Variants in FBXO28 observed in about 807,000 individuals in gnomAD.
The protein encoded by FBXO28 is F-box only protein 28.
In FBXO28, 8 loss-of-function variants were observed where a neutral mutation model predicts 38.1. That is an observed-to-expected ratio of 0.21 (90% CI 0.12 to 0.38). The LOEUF is 0.38. FBXO28 is among the 10% of genes least tolerant of loss of function. The pLI is 1.00. For synonymous variants in FBXO28, 168 were observed against 173.8 expected, an observed-to-expected ratio of 0.97 and a Z score of 0.26; for missense variants, 345 against 460.6, an observed-to-expected ratio of 0.75 and a Z score of 2.30.
At chr1:224,124,891 C>G (rs1656869047) in intron 1 of FBXO28, among the ~76,000 whole-genome samples, 1 of 151,962 alleles carries the variant, frequency 6.6e-6, no homozygotes, top group Non-Finnish European at 1.5e-5. Flanking sequence ...CCATGCCTGG[C>G]AAATTTTTGT....
intron 3 of FBXO28, among the ~76,000 whole-genome samples, chr1:224,142,244 CG>C (rs752741508): frequency 1.8e-4 from 27 of 151,550 alleles, no homozygotes; most frequent in Admixed American, 5.9e-4. Context: ...CCCAGCTACT[CG>C]GGAGGCTGAG....
At position 224,157,478 on chromosome 1, in the gene FBXO28, G is replaced by A. The variant is rs761294837; in HGVS notation, c.839G>A (p.Arg280His). The A allele has an allele frequency of 1.4e-5, 22 of 1,614,124 alleles. No homozygotes were observed. The highest frequency in any genetic ancestry group is 2.7e-5 in the African/African-American group (2 of 74,950). ...TNGAGVTVLR[R>H]EISELRTKVQ... ...GGTGCTGGCGTGACTGTTCTCAGGCGTGAAATTTCTGAGCTTCGCACCAAA... is the reference window on the plus strand; with the variant it reads ...GGTGCTGGCGTGACTGTTCTCAGGCATGAAATTTCTGAGCTTCGCACCAAA... The change falls in exon 5 of 5, where the codon CGT becomes CAT. Residue 280 changes from arginine to histidine, a missense_variant. Arg to His is a conservative substitution (Grantham distance 29). Coordinates refer to ENST00000366862, the MANE Select transcript of FBXO28 (RefSeq NM_015176.4).
chr1:224,146,301 A>G (rs1657502027), intron 3 of FBXO28, among the ~76,000 whole-genome samples: 1 of 152,004 alleles, frequency 6.6e-6, no homozygotes, highest in African/African-American at 2.4e-5. Flanking sequence ...AATATGGAGG[A>G]AATTTTTTTA....
At chr1:224,128,245 A>ATTAT (rs1553288948) in intron 1 of FBXO28, among the ~76,000 whole-genome samples, 1 of 147,904 alleles carries the variant, frequency 6.8e-6, no homozygotes, top group African/African-American at 2.5e-5. Context: ...TATTATTATT[A>ATTAT]TTTTTTTTTA....
chr1:224,148,127 G>C (rs1258014311), intron 3 of FBXO28, among the ~76,000 whole-genome samples: 1 of 151,948 alleles, frequency 6.6e-6, no homozygotes, highest in African/African-American at 2.4e-5. Context: ...GGAAGACTGG[G>C]GCAAATGGAA....
intron 2 of FBXO28, among the ~76,000 whole-genome samples, chr1:224,131,951 A>G (rs1657058044): frequency 6.6e-6 from 1 of 152,136 alleles, no homozygotes; most frequent in Non-Finnish European, 1.5e-5. Context: ...AATAAAACCT[A>G]TTTTAAAAGT....
intron 3 of FBXO28, among the ~76,000 whole-genome samples, chr1:224,136,606 T>C (rs527993726): frequency 2.0e-5 from 3 of 149,232 alleles, no homozygotes; most frequent in Non-Finnish European, 4.4e-5. Context: ...CGGGCGCCTA[T>C]AGTCCCAGCT....
At chr1:224,135,803 G>A (rs1023047030) in intron 3 of FBXO28, among the ~76,000 whole-genome samples, 11 of 151,956 alleles carry the variant, frequency 7.2e-5, no homozygotes, top group African/African-American at 1.9e-4. Flanking sequence ...TTGGGAGGCC[G>A]AGACGGGCAG....
At chr1:224,149,856 G>A (rs1460676592) in intron 3 of FBXO28, among the ~76,000 whole-genome samples, 1 of 152,194 alleles carries the variant, frequency 6.6e-6, no homozygotes, top group Admixed American at 6.6e-5. Flanking sequence ...GTGACCTCGT[G>A]TATAACTAAG....
At position 224,158,787 on chromosome 1, in the gene FBXO28, G is replaced by A. The variant is rs41303097; in HGVS notation, c.*1041G>A. On this transcript the variant is annotated 3_prime_UTR_variant, in exon 5 of 5. Transcript: ENST00000366862. ...AGTGAGTAGGGGACTCGACTTGCGG[G>A]ATGCAGTTTTGCCATTGCAGCAAAG... 0.022 allele frequency: 3,416 copies of A among 152,676 alleles called. 62 individuals carry two copies. Among genetic ancestry groups the A allele is most frequent in the Non-Finnish European group, 0.037 (2,544 of 68,034 alleles). 9.5% of individuals were successfully genotyped at this position (152,676 alleles called of 1,614,324 possible). A position where few individuals can be genotyped will look rare whatever the true frequency, so the allele number is the denominator to read the frequency against.
At position 224,150,467 on chromosome 1, in the gene FBXO28, T is replaced by G. The variant is rs115233849; in HGVS notation, c.517-2675T>G. Among the ~76,000 whole-genome samples, 127 of 151,838 alleles carry G rather than the reference T, an allele frequency of 8.4e-4. 1 individual carries two copies. Among genetic ancestry groups the G allele is most frequent in the African/African-American group, 2.9e-3 (119 of 41,078 alleles). On this transcript the variant is annotated intron_variant, in intron 3 of 4. Coordinates refer to ENST00000366862, the MANE Select transcript of FBXO28 (RefSeq NM_015176.4). ...ATGAAGGACCCTTTAAATACTGATT[T>G]TCTACTTTGGTTTATATTTTTAATT... is the stretch of plus-strand genomic sequence containing the variant.
chr1:224,120,709 A>G (rs1003331627), intron 1 of FBXO28, among the ~76,000 whole-genome samples: 9 of 152,172 alleles, frequency 5.9e-5, no homozygotes, highest in Admixed American at 4.6e-4. Flanking sequence ...CCGAAAATAC[A>G]AAAATTAGCT....
In FBXO28 at chr1:224,157,529, A is replaced by G; in HGVS notation, c.890A>G (p.Gln297Arg). The change falls in exon 5 of 5, where the codon CAA becomes CGA. Residue 297 changes from glutamine (Q) to arginine (R), a missense_variant. Coordinates refer to ENST00000366862, the MANE Select transcript of FBXO28 (RefSeq NM_015176.4). ...GTGCAAGAACAGCAAAAACAGCTTC[A>G]AGACCAGGACCAGAAACTGCTAGAG... Reference protein sequence around the residue: ...TKVQEQQKQLQDQDQKLLEQT... With the variant: ...TKVQEQQKQLRDQDQKLLEQT... The G allele has an allele frequency of 6.2e-7, 1 of 1,614,284 alleles. No homozygotes were observed. Among genetic ancestry groups the G allele is most frequent in the Non-Finnish European group, 8.5e-7 (1 of 1,180,058 alleles).
In FBXO28 at chr1:224,159,777, A is replaced by G. The variant is rs142832248; in HGVS notation, c.*2031A>G. On this transcript the variant is annotated 3_prime_UTR_variant, in exon 5 of 5. Coordinates refer to ENST00000366862, the MANE Select transcript of FBXO28 (RefSeq NM_015176.4). Reference sequence around the variant, plus strand: ...AGTGTGATCCGTATGCATCAAAGGGATACAGCCCCAGACTGTTTCTTTAAT... The same window carrying G: ...AGTGTGATCCGTATGCATCAAAGGGGTACAGCCCCAGACTGTTTCTTTAAT... 6.6e-6 allele frequency: 1 copy of G among 152,162 alleles called. No homozygotes were observed. The highest frequency in any genetic ancestry group is 1.9e-4 in the East Asian group (1 of 5,180). The allele number at this position is 152,162 out of a possible 1,614,324, so 9.4% of individuals were successfully genotyped here. A position where few individuals can be genotyped will look rare whatever the true frequency, so the allele number is the denominator to read the frequency against.
chr1:224,149,016 A>G (rs1008781190), intron 3 of FBXO28, among the ~76,000 whole-genome samples: 8 of 152,176 alleles, frequency 5.3e-5, no homozygotes, highest in African/African-American at 1.9e-4. Context: ...TTCACTGGAT[A>G]GGATCTGTGT....
intron 2 of FBXO28, among the ~76,000 whole-genome samples, chr1:224,133,434 C>T (rs1657100630): frequency 6.6e-6 from 1 of 152,132 alleles, no homozygotes; most frequent in South Asian, 2.1e-4. Context: ...TCATCTCCTG[C>T]CTATATTTCC....
At chr1:224,134,309 C>A in intron 3 of FBXO28, 97 bp downstream of exon 3, 1 of 1,221,084 alleles carries the variant, frequency 8.2e-7, no homozygotes, top group Non-Finnish European at 1.1e-6. Context: ...AGAATTGTTT[C>A]TACTTCTCTG....
chr1:224,116,938 G>A (rs902547412), intron 1 of FBXO28, among the ~76,000 whole-genome samples: 12 of 152,112 alleles, frequency 7.9e-5, no homozygotes, highest in African/African-American at 2.9e-4. Flanking sequence ...ACTTTGGGAC[G>A]CCGAGGTGGG....
Position 224,159,872 on chromosome 1 carries a change from A to G in FBXO28, c.*2126A>G, listed in dbSNP as rs1657860058. 1 of 152,218 alleles carries G rather than the reference A, an allele frequency of 6.6e-6. No homozygotes were observed. Among genetic ancestry groups the G allele is most frequent in the Admixed American group, 6.5e-5 (1 of 15,278 alleles). 9.4% of individuals were successfully genotyped at this position (152,218 alleles called of 1,614,324 possible). ...CTACATCTAGATAGCCTAAACATCT[A>G]TGTAGTCTTCCATTAGTTAACATGT... is the stretch of plus-strand genomic sequence containing the variant. On this transcript the variant is annotated 3_prime_UTR_variant, in exon 5 of 5. Coordinates refer to ENST00000366862, the MANE Select transcript of FBXO28 (RefSeq NM_015176.4).
Sources: gnomAD v4.1 joint callset for allele counts (sites outside exome capture counted in the v4.1 genomes callset) on GRCh38, gnomAD v4.1.1 for gene constraint, MANE v1.5 for transcripts, NCBI Gene and HGNC (gene_info 2026-07-23, HGNC 2026-07-21) for gene names.